PDIA5: variants seen among roughly 807,000 people sequenced by gnomAD.
PDIA5 encodes the protein protein disulfide isomerase family A member 5.
A neutral mutation model predicts 77.6 loss-of-function variants in PDIA5; 58 were observed. The observed-to-expected ratio is 0.75, with a 90% confidence interval of 0.61 to 0.93. The LOEUF (loss-of-function observed/expected upper bound fraction) is 0.93. Ranked by LOEUF, PDIA5 falls within the 40% of genes least tolerant of loss-of-function variation. The pLI, the probability that PDIA5 is intolerant of heterozygous loss-of-function variation, is 0.00. For synonymous variants in PDIA5, 250 were observed against 252.1 expected (o/e 0.99, Z 0.08); for missense variants, 630 against 647.7 (o/e 0.97, Z 0.30).
At chr3:123,120,717 T>G (rs74513669) in intron 8 of PDIA5, among the ~76,000 whole-genome samples, 2,077 of 152,340 alleles carry the variant, frequency 0.014, 52 homozygotes, top group African/African-American at 0.047. Flanking sequence ...CAAATGCATG[T>G]CTGAAAATTC....
intron 3 of PDIA5, among the ~76,000 whole-genome samples, chr3:123,098,289 A>G (rs142627592): frequency 1.7e-3 from 264 of 152,244 alleles, no homozygotes; most frequent in African/African-American, 5.9e-3. Flanking sequence ...GGGCTGTGGT[A>G]CTTAGGCTGG....
intron 13 of PDIA5, among the ~76,000 whole-genome samples, chr3:123,149,422 G>A (rs571255230): frequency 4.5e-4 from 69 of 152,338 alleles, no homozygotes; most frequent in African/African-American, 1.6e-3. Flanking sequence ...AGTGGGAGAC[G>A]TGGCAGCGTG....
In PDIA5 at chr3:123,123,270, GAGTCAGTCTT is replaced by G. The variant is rs951572970; in HGVS notation, c.610-792_610-783del. Among the ~76,000 whole-genome samples, 8 of 152,202 alleles carry G rather than the reference GAGTCAGTCTT, an allele frequency of 5.3e-5. 1 individual carries two copies. The highest frequency in any genetic ancestry group is 5.2e-4 in the Admixed American group (8 of 15,284). ...GGGAGTTTTAGGGGATTCCTTATAT[GAGTCAGTCTT>G]AGTATTTAGCTACATCGTCGGTTAC... On this transcript the variant is annotated intron_variant, in intron 8 of 16. Transcript: ENST00000316218.
At chr3:123,130,739 C>A in intron 11 of PDIA5, 123 bp downstream of exon 11, 2 of 1,097,528 alleles carry the variant, frequency 1.8e-6, no homozygotes, top group Non-Finnish European at 2.7e-6. Flanking sequence ...CCATGCTAAG[C>A]CAGGGGATGC....
At chr3:123,131,049 A>G (rs1935359504) in intron 11 of PDIA5, among the ~76,000 whole-genome samples, 1 of 152,154 alleles carries the variant, frequency 6.6e-6, no homozygotes. Context: ...AGGCAGGAGG[A>G]TTGTTTAAGG....
chr3:123,067,241 G>A, intron 1 of PDIA5, 35 bp downstream of exon 1: 1 of 1,238,672 alleles, frequency 8.1e-7, no homozygotes. Context: ...GGCCGGGCCA[G>A]CACGTGTGTC....
chr3:123,115,919 A>G (rs1219993958), intron 7 of PDIA5, among the ~76,000 whole-genome samples: 1 of 152,212 alleles, frequency 6.6e-6, no homozygotes, highest in East Asian at 1.9e-4. Context: ...TCTCTGTTGA[A>G]TTCATTATCA....
At chr3:123,114,156 C>T (rs3804749) in intron 7 of PDIA5, among the ~76,000 whole-genome samples, 72,990 of 152,028 alleles carry the variant, frequency 0.48, 19,506 homozygotes, top group Non-Finnish European at 0.59. Context: ...TGCAAACAGG[C>T]GAAACAGGAA....
chr3:123,086,145 A>G (rs1934133879), intron 1 of PDIA5, among the ~76,000 whole-genome samples: 1 of 152,194 alleles, frequency 6.6e-6, no homozygotes, highest in Non-Finnish European at 1.5e-5. Flanking sequence ...ATTTAGAAAC[A>G]CTAGAATATG....
chr3:123,089,438 C>G, intron 2 of PDIA5, 144 bp downstream of exon 2: 1 of 720,896 alleles, frequency 1.4e-6, no homozygotes, highest in Non-Finnish European at 2.3e-6. Flanking sequence ...CCTCAGAAGA[C>G]AGAGGCAGAG....
At chr3:123,083,207 C>T (rs1323429069) in intron 1 of PDIA5, among the ~76,000 whole-genome samples, 1 of 4,310 alleles carries the variant, frequency 2.3e-4, no homozygotes, top group African/African-American at 1.0e-3. Flanking sequence ...AACTGGTGCT[C>T]GGGGTGGGGG....
chr3:123,096,101 A>T (rs1396766851), intron 3 of PDIA5, among the ~76,000 whole-genome samples: 1 of 151,714 alleles, frequency 6.6e-6, no homozygotes, highest in Admixed American at 6.6e-5. Context: ...CTTCTCTCTG[A>T]GGTTCTCTCC....
At chr3:123,103,447 C>T (rs2717235) in intron 5 of PDIA5, among the ~76,000 whole-genome samples, 107,019 of 152,034 alleles carry the variant, frequency 0.7, 37,959 homozygotes, top group Non-Finnish European at 0.74. Flanking sequence ...TGAAGCCATA[C>T]ATTTCTCCTG....
In PDIA5 at chr3:123,148,419, A is replaced by C. The variant is rs1050131306; in HGVS notation, c.1143-1815A>C. Among the ~76,000 whole-genome samples the C allele has an allele frequency of 3.9e-5, 6 of 152,046 alleles. No individual in the cohort carries two copies. The East Asian group carries it at 1.2e-3, about 29-fold the overall frequency. On this transcript the variant is annotated intron_variant, in intron 13 of 16. Coordinates refer to ENST00000316218, the MANE Select transcript of PDIA5 (RefSeq NM_006810.4). ...CCCACCTCTACCGAAAATCAAAAAA[A>C]TTACCTGGGCATGGTGGTGTGCGCC...
In PDIA5 at chr3:123,091,454, C is replaced by G. The variant is rs146328559; in HGVS notation, c.170-901C>G. Among the ~76,000 whole-genome samples, 189 of 152,244 alleles carry G rather than the reference C, an allele frequency of 1.2e-3. 1 individual carries two copies. In the East Asian group the frequency reaches 0.031, roughly 25 times the overall value. On this transcript the variant is annotated intron_variant, in intron 2 of 16. Coordinates refer to ENST00000316218, the MANE Select transcript of PDIA5 (RefSeq NM_006810.4). ...AGGTGTCGCCTAGGAGAACGTGACTCAGGAGCCTGCTGGCCACAGGAATCA... is the reference window on the plus strand; with the variant it reads ...AGGTGTCGCCTAGGAGAACGTGACTGAGGAGCCTGCTGGCCACAGGAATCA...
chr3:123,158,052 G>A (rs182490486), intron 15 of PDIA5, among the ~76,000 whole-genome samples: 268 of 152,340 alleles, frequency 1.8e-3, no homozygotes, highest in Non-Finnish European at 2.9e-3. Context: ...TGTTTATGAG[G>A]CTGGCTACTG....
chr3:123,096,489 T>C (rs1027330737), intron 3 of PDIA5, among the ~76,000 whole-genome samples: 1 of 152,190 alleles, frequency 6.6e-6, no homozygotes, highest in Non-Finnish European at 1.5e-5. Context: ...GTGCCTGGCC[T>C]GGCCTTCTTT....
chr3:123,109,144 T>G lies in PDIA5; in HGVS notation c.481-1800T>G, dbSNP rs138423838. ...CTTTCACACCTGTAGGGAATCCTCTTGTTCTGCTTTGTGCTCTTTTCTCTC... is the reference window on the plus strand; with the variant it reads ...CTTTCACACCTGTAGGGAATCCTCTGGTTCTGCTTTGTGCTCTTTTCTCTC... On this transcript the variant is annotated intron_variant, in intron 6 of 16. Transcript: ENST00000316218. Among the ~76,000 whole-genome samples the G allele has an allele frequency of 1.8e-3, 272 of 152,338 alleles. 1 individual carries two copies. Among genetic ancestry groups the G allele is most frequent in the African/African-American group, 6.3e-3 (264 of 41,578 alleles).
At chr3:123,146,296 C>T in intron 13 of PDIA5, 37 bp downstream of exon 13, 1 of 1,579,886 alleles carries the variant, frequency 6.3e-7, no homozygotes, top group Middle Eastern at 1.7e-4. Flanking sequence ...TCCTAACTGC[C>T]AGCTGGCGGC....
Sources: gnomAD v4.1 joint callset for allele counts (sites outside exome capture counted in the v4.1 genomes callset) on GRCh38, gnomAD v4.1.1 for gene constraint, MANE v1.5 for transcripts, NCBI Gene and HGNC (gene_info 2026-07-23, HGNC 2026-07-21) for gene names.